Variants in GTF2IRD2B observed in about 807,000 individuals in gnomAD.
The protein encoded by GTF2IRD2B is general transcription factor II-I repeat domain-containing protein 2B.
Under a neutral mutation model 55.6 loss-of-function variants are expected in GTF2IRD2B, and 10 were observed. The ratio of observed to expected loss-of-function variants is 0.18; its 90% CI spans 0.11 to 0.31. The LOEUF (loss-of-function observed/expected upper bound fraction) is 0.31, where lower values mean the gene tolerates loss of function less well. Ranked by LOEUF, GTF2IRD2B falls within the 10% of genes least tolerant of loss-of-function variation. The pLI is 1.00. For synonymous variants in GTF2IRD2B, 107 were observed against 320.5 expected (o/e 0.33, Z 7.12); for missense variants, 206 against 802.7 (o/e 0.26, Z 8.98).
intron 8 of GTF2IRD2B, among the ~76,000 whole-genome samples, chr7:75,132,482 G>A (rs1808692529): frequency 6.8e-6 from 1 of 146,102 alleles, no homozygotes; most frequent in African/African-American, 2.7e-5. Flanking sequence ...CCCAAAACTA[G>A]GACTAGAATC....
chr7:75,099,590 T>G (rs2115664223), intron 1 of GTF2IRD2B, among the ~76,000 whole-genome samples: 1 of 71,818 alleles, frequency 1.4e-5, no homozygotes, highest in African/African-American at 6.7e-5. Context: ...ATACAAAAAT[T>G]AGTTGGGCGT....
intron 8 of GTF2IRD2B, among the ~76,000 whole-genome samples, chr7:75,130,091 C>CTT (rs1456760648): frequency 1.7e-3 from 131 of 77,590 alleles, no homozygotes; most frequent in African/African-American, 5.3e-3. Flanking sequence ...AATTTATTTT[C>CTT]TCTTTCTTTC....
rs1233717168 is a variant in GTF2IRD2B, at chr7:75,112,619, T to C, written c.238+84T>C. 32 of 1,192,566 alleles carry C rather than the reference T, an allele frequency of 2.7e-5. 1 individual carries two copies. Among genetic ancestry groups the C allele is most frequent in the Non-Finnish European group, 3.7e-5 (31 of 828,036 alleles). The allele number at this position is 1,192,566 out of a possible 1,614,324, so 73.9% of individuals were successfully genotyped here. A position where few individuals can be genotyped will look rare whatever the true frequency, so the allele number is the denominator to read the frequency against. ...TTCCACAGTATTTTCTTCTAAGCTA[T>C]CATAAGCATTCTCCTAGAAACGATC... On this transcript the variant is annotated intron_variant, in intron 3 of 15. Transcript: ENST00000472837.
At chr7:75,112,675 A>G in intron 3 of GTF2IRD2B, 140 bp downstream of exon 3, 1 of 1,593,874 alleles carries the variant, frequency 6.3e-7, no homozygotes. Flanking sequence ...CAGCTTACCA[A>G]ATAAATACTG....
chr7:75,092,568 G>C (rs1340614699), upstream of GTF2IRD2B: 1 of 151,378 alleles, frequency 6.6e-6, no homozygotes, highest in Non-Finnish European at 1.5e-5. Context: ...ACAAAAAAAG[G>C]GGGGAAAAGG....
chr7:75,137,010 C>T (rs1373952061), intron 11 of GTF2IRD2B, among the ~76,000 whole-genome samples, 160 bp downstream of exon 11: 2 of 147,400 alleles, frequency 1.4e-5, no homozygotes. Flanking sequence ...TTGAGACCAG[C>T]CTGGGAAACA....
At chr7:75,124,416 GC>G (rs1157351899) in intron 6 of GTF2IRD2B, among the ~76,000 whole-genome samples, 5 of 148,602 alleles carry the variant, frequency 3.4e-5, no homozygotes, top group Non-Finnish European at 7.5e-5. Context: ...TGCTGAGACT[GC>G]CTAAGTGGAG....
chr7:75,138,654 C>A, intron 11 of GTF2IRD2B, among the ~76,000 whole-genome samples: 2 of 116,428 alleles, frequency 1.7e-5, no homozygotes, highest in Admixed American at 8.7e-5. Flanking sequence ...GTGATAGACT[C>A]AGTCTCAAAA....
intron 8 of GTF2IRD2B, among the ~76,000 whole-genome samples, chr7:75,132,548 C>CTTTTTTTTT (rs1159887977): frequency 2.8e-4 from 24 of 85,358 alleles, no homozygotes; most frequent in Non-Finnish European, 4.1e-4. Flanking sequence ...CTCCTTCCTT[C>CTTTTTTTTT]TTTTTTTTTT....
At chr7:75,123,888 AC>A (rs1563096126) in intron 6 of GTF2IRD2B, 1 of 343,938 alleles carries the variant, frequency 2.9e-6, no homozygotes, top group African/African-American at 2.1e-5. Context: ...AAAAAAAAAA[AC>A]AAAACTTGAA....
At chr7:75,112,315 T>C in intron 2 of GTF2IRD2B, 82 bp from the exon 3 acceptor site, 1 of 328,662 alleles carries the variant, frequency 3.0e-6, no homozygotes, top group East Asian at 5.4e-5. Context: ...CCTAATTTTG[T>C]ATTCTTAAAT....
intron 3 of GTF2IRD2B, among the ~76,000 whole-genome samples, chr7:75,117,654 G>A (rs1283180642): frequency 6.6e-6 from 1 of 152,304 alleles, no homozygotes; most frequent in Non-Finnish European, 1.5e-5. Flanking sequence ...ACTTTGGGAG[G>A]CTGAGGTGGG....
At chr7:75,120,021 CA>C (rs587604189) in intron 3 of GTF2IRD2B, among the ~76,000 whole-genome samples, 2,210 of 129,022 alleles carry the variant, frequency 0.017, 606 homozygotes, top group African/African-American at 0.075. Flanking sequence ...CCCAGCTACT[CA>C]GGAGGCTGAG....
intron 3 of GTF2IRD2B, among the ~76,000 whole-genome samples, chr7:75,117,476 G>T (rs1221037146): frequency 6.6e-6 from 1 of 152,302 alleles, no homozygotes; most frequent in African/African-American, 2.4e-5. Flanking sequence ...CAGCATTTGG[G>T]ATACCCAGTG....
At chr7:75,112,341 C>G in intron 2 of GTF2IRD2B, 56 bp from the exon 3 acceptor site, 5 of 400,180 alleles carry the variant, frequency 1.2e-5, no homozygotes, top group Non-Finnish European at 1.3e-5. Flanking sequence ...CTCCCAGGCC[C>G]CACAAACTTG....
intron 3 of GTF2IRD2B, among the ~76,000 whole-genome samples, chr7:75,115,834 A>G (rs1554537339): frequency 4.6e-5 from 7 of 151,488 alleles, no homozygotes; most frequent in Admixed American, 6.6e-5. Context: ...GGTAGTACAG[A>G]TATCTTAGCA....
chr7:75,105,825 G>T (rs1296331898), intron 1 of GTF2IRD2B, among the ~76,000 whole-genome samples: 183 of 152,352 alleles, frequency 1.2e-3, no homozygotes, highest in African/African-American at 3.8e-3. Context: ...TTATTTCTTG[G>T]TTGCACTAAA....
intron 1 of GTF2IRD2B, among the ~76,000 whole-genome samples, chr7:75,096,837 T>G (rs1807394739): frequency 1.4e-5 from 2 of 145,480 alleles, no homozygotes; most frequent in Non-Finnish European, 3.0e-5. Context: ...TAGAATTTAT[T>G]AATTAAAACC....
At chr7:75,116,581 G>A (rs1203731866) in intron 3 of GTF2IRD2B, among the ~76,000 whole-genome samples, 4 of 146,834 alleles carry the variant, frequency 2.7e-5, no homozygotes, top group African/African-American at 9.9e-5. Context: ...TAATTGCTCG[G>A]CTAGGACTTC....
Sources: allele counts gnomAD v4.1 joint callset (sites outside exome capture counted in the v4.1 genomes callset), GRCh38; gene constraint gnomAD v4.1.1; transcripts MANE v1.5; gene names NCBI Gene and HGNC (gene_info 2026-07-23, HGNC 2026-07-21).